Variants in PCDHGA6 observed in about 807,000 individuals in gnomAD.
The protein encoded by PCDHGA6 is protocadherin gamma-A6.
Under a neutral mutation model 60.6 loss-of-function variants are expected in PCDHGA6, and 41 were observed. The ratio of observed to expected loss-of-function variants is 0.68; its 90% CI spans 0.53 to 0.88. PCDHGA6 has a LOEUF of 0.88. PCDHGA6 is among the 40% of genes least tolerant of loss of function. The pLI is 0.00. For synonymous variants in PCDHGA6, 594 were observed against 524.4 expected (o/e 1.13, Z -1.81); for missense variants, 1,312 against 1,203.0 (o/e 1.09, Z -1.34).
chr5:141,418,360 G>T (rs544948410), intron 1 of PCDHGA6: 4 of 1,613,990 alleles, frequency 2.5e-6, no homozygotes, highest in Non-Finnish European at 3.4e-6. Flanking sequence ...TGAATTCGCT[G>T]AGCAAATACC....
intron 1 of PCDHGA6, chr5:141,394,020 A>G (rs1311759353): frequency 6.2e-7 from 1 of 1,613,426 alleles, no homozygotes; most frequent in African/African-American, 1.3e-5. Context: ...TAATTATTAT[A>G]GATTAGTGAC....
chr5:141,467,764 TGCCCGCACCTCA>T (rs544344217), intron 1 of PCDHGA6, among the ~76,000 whole-genome samples: 90 of 152,158 alleles, frequency 5.9e-4, no homozygotes, highest in South Asian at 1.0e-3. Context: ...CATGCTCAAG[TGCCCGCACCTCA>T]GCCTCTCAAG....
intron 1 of PCDHGA6, chr5:141,426,597 T>C (rs2096946172): frequency 2.6e-6 from 1 of 377,476 alleles, no homozygotes. Context: ...TGTCATACCC[T>C]TAGAGATTGT....
At chr5:141,391,495 A>G (rs962883294) in intron 1 of PCDHGA6, 2 of 152,136 alleles carry the variant, frequency 1.3e-5, no homozygotes, top group Non-Finnish European at 2.9e-5. Context: ...TGTTTTCAGT[A>G]GAGAAAATAT....
At chr5:141,382,125 GC>G (rs1470370841) in intron 1 of PCDHGA6, among the ~76,000 whole-genome samples, 1 of 151,872 alleles carries the variant, frequency 6.6e-6, no homozygotes, top group East Asian at 1.9e-4. Flanking sequence ...ACAGCACCTG[GC>G]CCCCCCTCTC....
chr5:141,471,046 CTTTTT>C (rs1170588345), intron 1 of PCDHGA6, among the ~76,000 whole-genome samples: 2 of 113,276 alleles, frequency 1.8e-5, no homozygotes, highest in Non-Finnish European at 3.6e-5. Context: ...CCCAAGCCCT[CTTTTT>C]TTTTTTTTTT....
chr5:141,389,048 T>C, intron 1 of PCDHGA6: 1 of 1,613,976 alleles, frequency 6.2e-7, no homozygotes, highest in East Asian at 2.2e-5. Context: ...AAGGTGATGT[T>C]CCATTTAAAA....
rs541605714 is a variant in PCDHGA6 at position 141,375,035 on chromosome 5, G to A, written c.952G>A (p.Gly318Ser). ...DYEDSSFYEL[G>S]VEARDGPGLR... ...TGAGGACTCGAGTTTTTATGAGCTGGGTGTTGAAGCCCGGGATGGGCCAGG... is the reference window on the plus strand; with the variant it reads ...TGAGGACTCGAGTTTTTATGAGCTGAGTGTTGAAGCCCGGGATGGGCCAGG... Residue 318 changes from glycine (G) to serine (S), a missense_variant, in exon 1 of 4, where the codon GGT becomes AGT. Physicochemically the swap from Gly to Ser is moderately conservative, Grantham distance 56 (BLOSUM62 0). Transcript: ENST00000517434. 6.2e-7 allele frequency: 1 copy of A among 1,614,008 alleles called. No homozygotes were observed. The highest frequency in any genetic ancestry group is 2.2e-5 in the East Asian group (1 of 44,880).
rs779686795 is a variant in PCDHGA6 at position 141,476,566 on chromosome 5, G to C, written c.2425-18241G>C. The stretch of plus-strand genomic sequence containing the variant: ...TGGAGATTAGCGAGGCCGTGGCTCC[G>C]GGGACGCGCTTTCCGCTCGAGAGCG... On this transcript the variant is annotated intron_variant, in intron 1 of 3. Transcript: ENST00000517434. This position sits in a 1 kb window ranked among gnomAD's most constrained non-coding sequence, Gnocchi z 7.6. 1.2e-6 allele frequency: 2 copies of C among 1,614,180 alleles called. No homozygotes were observed. The highest frequency in any genetic ancestry group is 1.7e-5 in the Admixed American group (1 of 60,030).
chr5:141,413,541 G>A, intron 1 of PCDHGA6: 1 of 1,613,904 alleles, frequency 6.2e-7, no homozygotes, highest in Non-Finnish European at 8.5e-7. Flanking sequence ...AACTTTTTGG[G>A]ATAGAAATAG....
intron 2 of PCDHGA6, among the ~76,000 whole-genome samples, chr5:141,497,735 C>T (rs1299892535): frequency 2.6e-5 from 4 of 152,144 alleles, no homozygotes; most frequent in Non-Finnish European, 4.4e-5. Flanking sequence ...AGATGGGTTT[C>T]GCCACGTTGG....
intron 1 of PCDHGA6, among the ~76,000 whole-genome samples, chr5:141,463,810 A>G (rs1469182885): frequency 6.6e-6 from 1 of 152,178 alleles, no homozygotes; most frequent in Non-Finnish European, 1.5e-5. Context: ...AAAAGCTTTT[A>G]TCACACATTT....
chr5:141,448,103 A>G (rs1252710550), intron 1 of PCDHGA6, among the ~76,000 whole-genome samples: 2 of 151,992 alleles, frequency 1.3e-5, no homozygotes, highest in Non-Finnish European at 2.9e-5. Context: ...AAAAAATTAA[A>G]AGAAAAGAAA....
At chr5:141,416,387 A>T (rs1229066765) in intron 1 of PCDHGA6, 1 of 152,190 alleles carries the variant, frequency 6.6e-6, no homozygotes, top group Admixed American at 6.5e-5. Context: ...AATATTTGGG[A>T]TTCTGCTTTT....
intron 1 of PCDHGA6, chr5:141,399,651 G>A (rs1561671286): frequency 1.2e-6 from 2 of 1,613,738 alleles, no homozygotes; most frequent in Non-Finnish European, 1.7e-6. Flanking sequence ...CGCAAAGTGG[G>A]GTGGTGTTCG....
At chr5:141,399,627 C>G (rs751717107) in intron 1 of PCDHGA6, 12 of 1,613,906 alleles carry the variant, frequency 7.4e-6, no homozygotes, top group South Asian at 1.1e-5. Context: ...TGGCCTCTTA[C>G]GTGTCCATGA....
chr5:141,427,034 A>G (rs762633589), intron 1 of PCDHGA6: 7 of 457,110 alleles, frequency 1.5e-5, no homozygotes, highest in Non-Finnish European at 2.6e-5. Flanking sequence ...TCAGCCTTAG[A>G]GAGAATGTGC....
intron 1 of PCDHGA6, chr5:141,417,887 C>A: frequency 6.4e-7 from 1 of 1,564,888 alleles, no homozygotes; most frequent in Non-Finnish European, 8.7e-7. Context: ...GCAGAGGCGC[C>A]GGGCCGGCCC....
chr5:141,376,643 A>T, intron 1 of PCDHGA6, 136 bp downstream of exon 1: 1 of 1,013,992 alleles, frequency 9.9e-7, no homozygotes, highest in Non-Finnish European at 1.4e-6. Context: ...GATTTTGTAA[A>T]GTGGAAGACT....
Sources: gnomAD v4.1 joint callset for allele counts (sites outside exome capture counted in the v4.1 genomes callset) on GRCh38, gnomAD v4.1.1 for gene constraint, Gnocchi (gnomAD v3.1) non-coding constraint, MANE v1.5 for transcripts, NCBI Gene and HGNC (gene_info 2026-07-23, HGNC 2026-07-21) for gene names.